The following CCDC171 variants were observed in gnomAD, a reference collection of about 807,000 sequenced individuals.
CCDC171 encodes coiled-coil domain containing 171.
In CCDC171, 177 loss-of-function variants were observed where a neutral mutation model predicts 168.2. The ratio of observed to expected loss-of-function variants is 1.05; its 90% CI spans 0.93 to 1.19. The LOEUF (loss-of-function observed/expected upper bound fraction) is 1.19. CCDC171 is among the 50% of genes most tolerant of loss of function. CCDC171 has a pLI of 0.00. For synonymous variants in CCDC171, 687 were observed against 540.8 expected, an observed-to-expected ratio of 1.27 and a Z score of -3.75; for missense variants, 1,991 against 1,539.0, an observed-to-expected ratio of 1.29 and a Z score of -4.91.
At chr9:15,609,247 C>T (rs965390010) in intron 6 of CCDC171, among the ~76,000 whole-genome samples, 2 of 151,784 alleles carry the variant, frequency 1.3e-5, no homozygotes, top group African/African-American at 4.8e-5. Context: ...TTACAGGTGC[C>T]TGCCACCATG....
intron 6 of CCDC171, among the ~76,000 whole-genome samples, chr9:15,595,068 A>G (rs1052715539): frequency 1.3e-5 from 2 of 152,234 alleles, no homozygotes; most frequent in Admixed American, 6.5e-5. Flanking sequence ...CATATAATAC[A>G]TTTTGGAGTA....
chr9:15,926,409 C>T (rs1351880487), intron 25 of CCDC171, among the ~76,000 whole-genome samples: 4 of 151,756 alleles, frequency 2.6e-5, no homozygotes, highest in South Asian at 4.2e-4. Flanking sequence ...TTACCTTCAT[C>T]GGTTCCCAAT....
At chr9:15,585,115 G>A (rs1170320907) in intron 4 of CCDC171, among the ~76,000 whole-genome samples, 5 of 152,170 alleles carry the variant, frequency 3.3e-5, no homozygotes, top group Non-Finnish European at 7.4e-5. Context: ...AGGATATAGA[G>A]CAACAGGGAC....
At chr9:16,046,606 G>A (rs180773314) in intron 1 of CCDC171, among the ~76,000 whole-genome samples, 42 of 151,974 alleles carry the variant, frequency 2.8e-4, no homozygotes, top group African/African-American at 9.4e-4. Context: ...GGGAGGGACC[G>A]GGTGGGAGAT....
intron 2 of CCDC171, among the ~76,000 whole-genome samples, chr9:15,570,012 C>G (rs1424421266): frequency 6.6e-6 from 1 of 150,694 alleles, no homozygotes; most frequent in Non-Finnish European, 1.5e-5. Context: ...CTCTTGTTGC[C>G]CAGGGTGGAG....
At chr9:15,759,501 T>C (rs1017858128) in intron 18 of CCDC171, among the ~76,000 whole-genome samples, 12 of 152,216 alleles carry the variant, frequency 7.9e-5, no homozygotes, top group African/African-American at 2.9e-4. Context: ...GTTCTTTATA[T>C]AGCAGAAGGA....
At chr9:15,674,320 T>C (rs1461020667) in intron 9 of CCDC171, among the ~76,000 whole-genome samples, 1 of 152,192 alleles carries the variant, frequency 6.6e-6, no homozygotes, top group East Asian at 1.9e-4. Context: ...AGCTCCTGGA[T>C]TCATTGACTT....
chr9:15,556,656 G>A (rs1277513302), intron 1 of CCDC171, among the ~76,000 whole-genome samples: 2 of 151,956 alleles, frequency 1.3e-5, no homozygotes, highest in African/African-American at 2.4e-5. Context: ...TGTCAGATGG[G>A]TAGATTGTAA....
intron 23 of CCDC171, among the ~76,000 whole-genome samples, chr9:15,860,720 G>T (rs957526730): frequency 3.9e-5 from 6 of 151,946 alleles, no homozygotes; most frequent in East Asian, 3.9e-4. Context: ...AACAATGCGT[G>T]TTCTGCTGCT....
chr9:15,645,937 C>T (rs2047001129), intron 7 of CCDC171, among the ~76,000 whole-genome samples: 2 of 152,100 alleles, frequency 1.3e-5, no homozygotes, highest in Admixed American at 1.3e-4. Flanking sequence ...TTCCAAGACA[C>T]ATAATTGTCA....
intron 25 of CCDC171, among the ~76,000 whole-genome samples, chr9:15,924,330 G>A (rs1825663167): frequency 6.6e-6 from 1 of 151,202 alleles, no homozygotes; most frequent in African/African-American, 2.4e-5. Flanking sequence ...TGGCTTGCAT[G>A]TCAGGGCTTT....
chr9:15,644,939 A>G (rs900389393), intron 7 of CCDC171, among the ~76,000 whole-genome samples: 3 of 152,136 alleles, frequency 2.0e-5, no homozygotes, highest in African/African-American at 7.2e-5. Flanking sequence ...CAAACACACT[A>G]CCTCTTCAAG....
chr9:15,722,533 A>G (rs533707284), intron 12 of CCDC171, among the ~76,000 whole-genome samples: 288 of 152,356 alleles, frequency 1.9e-3, no homozygotes, highest in Middle Eastern at 0.01. Context: ...GTCTAGTTAC[A>G]TCTTGTCAAA....
At chr9:15,576,169 G>T (rs1344578207) in intron 3 of CCDC171, among the ~76,000 whole-genome samples, 1 of 147,608 alleles carries the variant, frequency 6.8e-6, no homozygotes, top group South Asian at 2.1e-4. Context: ...GTATATACAT[G>T]TATATATATT....
chr9:16,105,950 G>T, the CCDC171 span, among the ~76,000 whole-genome samples: 1 of 152,076 alleles, frequency 6.6e-6, no homozygotes, highest in African/African-American at 2.4e-5. Context: ...CCACTGGCAG[G>T]CAGGGCATCC....
intron 11 of CCDC171, among the ~76,000 whole-genome samples, chr9:15,705,120 A>ACACACACACACACT (rs1462439068): frequency 3.1e-4 from 46 of 149,902 alleles, no homozygotes; most frequent in African/African-American, 8.6e-4. Context: ...ACACACACAC[A>ACACACACACACACT]CTCTCACTCA....
intron 21 of CCDC171, among the ~76,000 whole-genome samples, chr9:15,831,955 T>C (rs1234618031): frequency 6.6e-6 from 1 of 152,138 alleles, no homozygotes; most frequent in African/African-American, 2.4e-5. Flanking sequence ...TTGAGTATTT[T>C]GGTTTTGATT....
intron 23 of CCDC171, among the ~76,000 whole-genome samples, chr9:15,873,186 A>G (rs943761725): frequency 2.0e-5 from 3 of 152,014 alleles, no homozygotes; most frequent in Non-Finnish European, 2.9e-5. Context: ...ATGCCGTTAT[A>G]TGTTTGTGTG....
chr9:16,001,793 A>G (rs1412908167), intron 3 of CCDC171, among the ~76,000 whole-genome samples: 1 of 151,972 alleles, frequency 6.6e-6, no homozygotes, highest in East Asian at 1.9e-4. Context: ...ACTACATAAT[A>G]CTTGGTAATA....
Sources: allele counts gnomAD v4.1 joint callset (sites outside exome capture counted in the v4.1 genomes callset), GRCh38; gene constraint gnomAD v4.1.1; transcripts MANE v1.5; gene names NCBI Gene and HGNC (gene_info 2026-07-23, HGNC 2026-07-21).